Variants in SNTB2 observed in about 807,000 individuals in gnomAD.
SNTB2 encodes the protein beta-2-syntrophin.
Under a neutral mutation model 46.2 loss-of-function variants are expected in SNTB2, and 34 were observed. The ratio of observed to expected loss-of-function variants is 0.74; its 90% confidence interval spans 0.56 to 0.98. The LOEUF is 0.98. Among genes scored for constraint, SNTB2 ranks in the 50% least tolerant of loss-of-function variants. The probability of loss-of-function intolerance (pLI) is 0.00; values close to 1 mark genes in which losing one functional copy is unlikely to be tolerated. For missense variants in SNTB2, 603 were observed against 731.4 expected, an observed-to-expected ratio of 0.82 and a Z score of 2.02; for synonymous variants, 290 against 312.6, an observed-to-expected ratio of 0.93 and a Z score of 0.76.
chr16:69,279,789 A>G (rs1767223911), intron 4 of SNTB2, among the ~76,000 whole-genome samples: 1 of 150,650 alleles, frequency 6.6e-6, no homozygotes, highest in African/African-American at 2.4e-5. Context: ...CAGCCTCCCA[A>G]AGTGCTGGGA....
rs1415578473 is a variant in SNTB2, at chr16:69,308,382, G to A, written c.*7458G>A. The A allele has an allele frequency of 3.3e-5, 5 of 152,536 alleles. No homozygotes were observed. The highest frequency in any genetic ancestry group is 4.8e-5 in the African/African-American group (2 of 41,422). The allele number at this position is 152,536 out of a possible 1,614,324, so 9.4% of individuals were successfully genotyped here. A position where few individuals can be genotyped will look rare whatever the true frequency, so the allele number is the denominator to read the frequency against. ...CAGGTTTGGCATGATCATCATTCTC[G>A]ATGATATTCTCACTTTGTCGCAAAT... On this transcript the variant is annotated 3_prime_UTR_variant, in exon 7 of 7. Coordinates refer to ENST00000336278, the MANE Select transcript of SNTB2 (RefSeq NM_006750.4).
intron 3 of SNTB2, among the ~76,000 whole-genome samples, chr16:69,260,767 C>T (rs565507570): frequency 4.9e-4 from 75 of 152,290 alleles, no homozygotes; most frequent in Admixed American, 3.3e-3. Context: ...TTGTTCCCTA[C>T]TGGAAGAGCT....
intron 1 of SNTB2, among the ~76,000 whole-genome samples, chr16:69,221,557 C>T (rs1964405151): frequency 6.6e-6 from 1 of 152,158 alleles, no homozygotes; most frequent in African/African-American, 2.4e-5. Context: ...GGGCAGATCA[C>T]TTGAAGTCAG....
At chr16:69,288,430 T>A (rs957651143) in intron 5 of SNTB2, among the ~76,000 whole-genome samples, 1 of 152,244 alleles carries the variant, frequency 6.6e-6, no homozygotes, top group Non-Finnish European at 1.5e-5. Flanking sequence ...TTTGTTCTTA[T>A]TCACAGCTGT....
chr16:69,236,974 G>A (rs914439417), intron 1 of SNTB2, among the ~76,000 whole-genome samples: 2 of 152,194 alleles, frequency 1.3e-5, no homozygotes, highest in Admixed American at 6.5e-5. Context: ...CCTGGGTGGC[G>A]AGAAAGATGA....
At chr16:69,293,490 T>C (rs1160963259) in intron 5 of SNTB2, among the ~76,000 whole-genome samples, 2 of 152,146 alleles carry the variant, frequency 1.3e-5, no homozygotes, top group Admixed American at 1.3e-4. Flanking sequence ...TGGGGAGAGA[T>C]GCAAAACGAT....
intron 5 of SNTB2, among the ~76,000 whole-genome samples, chr16:69,286,937 T>G (rs1965109345): frequency 6.6e-6 from 1 of 152,100 alleles, no homozygotes; most frequent in Non-Finnish European, 1.5e-5. Context: ...ACATGGACTC[T>G]CCAGTTAAGA....
At chr16:69,207,515 A>T (rs868205622) in intron 1 of SNTB2, among the ~76,000 whole-genome samples, 67 of 152,308 alleles carry the variant, frequency 4.4e-4, no homozygotes, top group African/African-American at 1.6e-3. Flanking sequence ...ATGTTGACCA[A>T]TTATAAAGTA....
chr16:69,303,803 T>TA lies in SNTB2; in HGVS notation c.*2880dup. ...ATTTAGATGCCAAAGTATGGCAAAT[T>TA]ATTTCCAAATGATAACTACAAATGG... On this transcript the variant is annotated 3_prime_UTR_variant, in exon 7 of 7. Coordinates refer to ENST00000336278, the MANE Select transcript of SNTB2 (RefSeq NM_006750.4). 6.5e-6 allele frequency: 1 copy of TA among 152,776 alleles called. No homozygotes were observed. Among genetic ancestry groups the TA allele is most frequent in the East Asian group, 1.9e-4 (1 of 5,192 alleles). 9.5% of individuals were successfully genotyped at this position (152,776 alleles called of 1,614,324 possible).
chr16:69,300,681 T>C (rs1965270163), intron 6 of SNTB2, 151 bp from the exon 7 acceptor site: 2 of 608,262 alleles, frequency 3.3e-6, no homozygotes, highest in Non-Finnish European at 6.1e-6. Flanking sequence ...CCTTACTCCA[T>C]AGTGCACTTT....
chr16:69,189,566 G>C (rs1042175765), intron 1 of SNTB2, among the ~76,000 whole-genome samples: 1 of 152,088 alleles, frequency 6.6e-6, no homozygotes, highest in Non-Finnish European at 1.5e-5. Flanking sequence ...ACGAAACCTC[G>C]TCTCTACTAA....
At chr16:69,239,453 T>C (rs1459921237) in intron 1 of SNTB2, among the ~76,000 whole-genome samples, 3 of 152,258 alleles carry the variant, frequency 2.0e-5, no homozygotes, top group Admixed American at 2.0e-4. Context: ...GACCATTCCA[T>C]GGTTTCAGAA....
chr16:69,300,541 T>C (rs1014474636), intron 6 of SNTB2, among the ~76,000 whole-genome samples: 4 of 152,238 alleles, frequency 2.6e-5, no homozygotes, highest in African/African-American at 9.6e-5. Flanking sequence ...TGAGCCACCG[T>C]GCCTGGCCTT....
intron 2 of SNTB2, among the ~76,000 whole-genome samples, chr16:69,256,941 A>C (rs1964782412): frequency 6.6e-6 from 1 of 152,186 alleles, no homozygotes; most frequent in South Asian, 2.1e-4. Flanking sequence ...AGACCGAGGC[A>C]GGCGGATCAC....
chr16:69,278,178 G>T (rs1015075738), intron 4 of SNTB2, among the ~76,000 whole-genome samples: 1 of 152,106 alleles, frequency 6.6e-6, no homozygotes, highest in African/African-American at 2.4e-5. Context: ...TGAGCTGGGC[G>T]TGGTGGCGCA....
Position 69,187,588 on chromosome 16 carries a change from T to C in SNTB2, c.422T>C (p.Leu141Pro). 6.5e-7 allele frequency: 1 copy of C among 1,541,308 alleles called. No individual in the cohort carries two copies. Residue 141 changes from leucine to proline, a missense_variant, in exon 1 of 7, where the codon CTC becomes CCC. Around this residue, in one of 2 missense-constraint regions of SNTB2, gnomAD observed 537 missense variants for 692.4 expected, o/e 0.78. Transcript: ENST00000336278. Reference sequence around the variant, plus strand: ...GGCCGCGAGAACCGGATGCCGATCCTCATCTCCAAGATCTTCCCCGGGCTG... The same window carrying C: ...GGCCGCGAGAACCGGATGCCGATCCCCATCTCCAAGATCTTCCCCGGGCTG... ...KGGRENRMPI[L>P]ISKIFPGLAA...
chr16:69,279,348 A>G (rs1195515635), intron 4 of SNTB2, among the ~76,000 whole-genome samples: 1 of 151,920 alleles, frequency 6.6e-6, no homozygotes, highest in Non-Finnish European at 1.5e-5. Flanking sequence ...GTTCCATTGT[A>G]TATTTATACC....
At chr16:69,226,466 GGACT>G (rs1233511818) in intron 1 of SNTB2, among the ~76,000 whole-genome samples, 1 of 151,798 alleles carries the variant, frequency 6.6e-6, no homozygotes, top group Non-Finnish European at 1.5e-5. Context: ...CCTGAGGCAA[GGACT>G]GACTTTCTAA....
intron 1 of SNTB2, among the ~76,000 whole-genome samples, chr16:69,220,116 G>C (rs1163609062): frequency 1.4e-5 from 2 of 141,802 alleles, no homozygotes; most frequent in Non-Finnish European, 3.1e-5. Flanking sequence ...TTTTATGTAA[G>C]TATTTAGAAA....
Sources: gnomAD v4.1 joint callset for allele counts (sites outside exome capture counted in the v4.1 genomes callset) on GRCh38, gnomAD v4.1.1 for gene constraint, gnomAD v4.1.1 regional missense constraint, MANE v1.5 for transcripts, NCBI Gene and HGNC (gene_info 2026-07-23, HGNC 2026-07-21) for gene names.